Variants in ZNF724 observed in about 807,000 individuals in gnomAD.
The protein encoded by ZNF724 is zinc finger protein 724, also known as zinc finger protein 724 pseudogene.
In ZNF724, 14 loss-of-function variants were observed where a neutral mutation model predicts 29.3. The observed-to-expected ratio is 0.48, with a 90% CI of 0.32 to 0.75. The LOEUF is 0.75. ZNF724 is among the 30% of genes least tolerant of loss of function. The pLI, the probability that ZNF724 is intolerant of heterozygous loss-of-function variation, is 0.04. For missense variants in ZNF724, 557 were observed against 571.2 expected (o/e 0.98, Z 0.25); for synonymous variants, 180 against 193.6 (o/e 0.93, Z 0.58).
At chr19:23,226,548 A>C (rs1314830458) in intron 3 of ZNF724, among the ~76,000 whole-genome samples, 2 of 152,208 alleles carry the variant, frequency 1.3e-5, no homozygotes, top group Non-Finnish European at 2.9e-5. Flanking sequence ...TAGAAGAAGA[A>C]CCGAAAAAAG....
At chr19:23,229,578 A>G (rs187992200) in intron 3 of ZNF724, among the ~76,000 whole-genome samples, 1 of 152,338 alleles carries the variant, frequency 6.6e-6, no homozygotes, top group Admixed American at 6.5e-5. Context: ...TACAGATCAA[A>G]GTCCTGAAGG....
intron 1 of ZNF724, among the ~76,000 whole-genome samples, chr19:23,238,785 G>C (rs1309620859): frequency 6.6e-6 from 1 of 152,136 alleles, no homozygotes; most frequent in Non-Finnish European, 1.5e-5. Flanking sequence ...GCATGCACCT[G>C]TAATCCCACT....
Position 23,223,112 on chromosome 19 carries a change from G to A in ZNF724, c.1133C>T (p.Ser378Phe). The A allele has an allele frequency of 8.0e-7, 1 of 1,251,150 alleles. No homozygotes were observed. Among genetic ancestry groups the A allele is most frequent in the Non-Finnish European group, 1.2e-6 (1 of 850,542 alleles). The allele number at this position is 1,251,150 out of a possible 1,614,324, so 77.5% of individuals were successfully genotyped here. The change falls in exon 4 of 4, where the codon TCC (serine) becomes TTC (phenylalanine). Residue 378 changes from serine to phenylalanine, a missense_variant. Physicochemically the swap from Ser to Phe is radical, Grantham distance 155 (BLOSUM62 -2). This residue lies in a region of ZNF724 where 362 missense variants were observed against 295.5 expected (regional missense o/e 1.22). Transcript: ENST00000418100. ...TCTCTTATGTTGAGTAAGAGTTGAG[G>A]ACACGTTAAAGGCTTTGCCACACTC... ...CEECGKAFNV[S>F]STLTQHKRIH...
intron 3 of ZNF724, among the ~76,000 whole-genome samples, chr19:23,224,610 T>C (rs368903611): frequency 5.9e-5 from 9 of 152,226 alleles, no homozygotes; most frequent in African/African-American, 2.2e-4. Flanking sequence ...AAGTCTGTTA[T>C]ATTTACCTAA....
intron 3 of ZNF724, among the ~76,000 whole-genome samples, chr19:23,228,171 C>T (rs749149683): frequency 4.6e-5 from 7 of 152,114 alleles, no homozygotes; most frequent in African/African-American, 1.4e-4. Flanking sequence ...CTTTAAAGGC[C>T]GAGTGTGGTG....
In ZNF724 at chr19:23,223,469, C is replaced by T. The variant is rs1303023718; in HGVS notation, c.776G>A (p.Cys259Tyr). The T allele has an allele frequency of 2.6e-6, 2 of 759,780 alleles. No homozygotes were observed. The highest frequency in any genetic ancestry group is 1.7e-5 in the African/African-American group (1 of 58,544). The allele number at this position is 759,780 out of a possible 1,614,324, so 47.1% of individuals were successfully genotyped here. A position where few individuals can be genotyped will look rare whatever the true frequency, so the allele number is the denominator to read the frequency against. The change falls in exon 4 of 4, where the codon TGT becomes TAT. Residue 259 changes from cysteine to tyrosine, a missense_variant. By Grantham distance (194) the Cys-to-Tyr change is radical (BLOSUM62 -2). Around this residue, in one of 3 missense-constraint regions of ZNF724, gnomAD observed 362 missense variants for 295.5 expected, o/e 1.22. Transcript: ENST00000418100. ...TGAGGATATGTTAAAAGCTTTTCCA[C>T]ATTCTTCACGTTTGTAGGATTTCTC... ...TGEKSYKREECGKAFNISSHL... is the reference protein window; with the variant it reads ...TGEKSYKREEYGKAFNISSHL...
intron 3 of ZNF724, among the ~76,000 whole-genome samples, chr19:23,228,303 A>T (rs184190785): frequency 9.7e-4 from 147 of 151,680 alleles, no homozygotes; most frequent in African/African-American, 3.5e-3. Context: ...TACAAAAATT[A>T]GCCAGGCGTG....
intron 1 of ZNF724, among the ~76,000 whole-genome samples, chr19:23,234,509 T>C (rs1337097251): frequency 6.6e-6 from 1 of 152,056 alleles, no homozygotes; most frequent in East Asian, 1.9e-4. Context: ...TGGAGTGCAA[T>C]GGCACAATCT....
chr19:23,228,897 CAA>C (rs60328213), intron 3 of ZNF724, among the ~76,000 whole-genome samples: 24 of 114,564 alleles, frequency 2.1e-4, no homozygotes, highest in Non-Finnish European at 2.6e-4. Context: ...GCCCCACTTC[CAA>C]AAAAAAAAAA....
At chr19:23,224,166 C>T (rs532973095) in intron 3 of ZNF724, 148 bp from the exon 4 acceptor site, 6 of 501,972 alleles carry the variant, frequency 1.2e-5, no homozygotes, top group Admixed American at 3.7e-5. Context: ...ACTCCCAGCA[C>T]GTTGAAAGGC....
chr19:23,249,978 C>G (rs1678257753), intron 1 of ZNF724, among the ~76,000 whole-genome samples: 1 of 152,222 alleles, frequency 6.6e-6, no homozygotes, highest in African/African-American at 2.4e-5. Context: ...AGACGCTGCG[C>G]TGCGGGAGCA....
At chr19:23,248,071 A>AC (rs1972273878) in intron 1 of ZNF724, among the ~76,000 whole-genome samples, 1 of 152,116 alleles carries the variant, frequency 6.6e-6, no homozygotes, top group Non-Finnish European at 1.5e-5. Context: ...AAAAACACTG[A>AC]CCCCCAAAGC....
Position 23,223,314 on chromosome 19 carries a change from T to C in ZNF724, c.931A>G (p.Ile311Val), listed in dbSNP as rs771053653. ...AAAGCTCTGCCACAATGTTCACATA[T>C]GTAGGGCTTCTCTCCAGCATGAATT... ...KIIHAGEKPY[I>V]CEHCGRAFNQ... The change falls in exon 4 of 4, where the codon ATA becomes GTA. Residue 311 changes from isoleucine (I) to valine (V), a missense_variant. Transcript: ENST00000418100. The C allele has an allele frequency of 6.5e-6, 5 of 771,894 alleles. No individual in the cohort carries two copies. Among genetic ancestry groups the C allele is most frequent in the African/African-American group, 3.4e-5 (2 of 58,764 alleles). The allele number at this position is 771,894 out of a possible 1,614,324, so 47.8% of individuals were successfully genotyped here. A position where few individuals can be genotyped will look rare whatever the true frequency, so the allele number is the denominator to read the frequency against.
chr19:23,243,039 CAAA>C (rs762188669), intron 1 of ZNF724, among the ~76,000 whole-genome samples: 3,097 of 112,090 alleles, frequency 0.028, 81 homozygotes, highest in African/African-American at 0.11. Flanking sequence ...AACTCCATCT[CAAA>C]AAAAAAAAAA....
At chr19:23,233,641 T>C (rs1016968189) in intron 1 of ZNF724, among the ~76,000 whole-genome samples, 5 of 152,032 alleles carry the variant, frequency 3.3e-5, no homozygotes, top group Non-Finnish European at 5.9e-5. Flanking sequence ...GAAAGAAATA[T>C]TTTTCTTGAT....
chr19:23,250,223 G>T lies in ZNF724; in HGVS notation c.3+17C>A. ...GCCCCTCCCTCTCTCTCCGGATGTC[G>T]GAGCCGCCACTCTCACCATTTCTAG... On this transcript the variant is annotated intron_variant, in intron 1 of 3. Transcript: ENST00000418100. 1 of 652,880 alleles carries T rather than the reference G, an allele frequency of 1.5e-6. No individual in the cohort carries two copies. The highest frequency in any genetic ancestry group is 4.8e-5 in the East Asian group (1 of 20,738). The allele number at this position is 652,880 out of a possible 1,614,324, so 40.4% of individuals were successfully genotyped here.
rs552301610 is a variant in ZNF724, at chr19:23,228,042, A to G, written c.226+3224T>C. Among the ~76,000 whole-genome samples the G allele has an allele frequency of 2.0e-5, 3 of 152,304 alleles. No homozygotes were observed. In the East Asian group the frequency reaches 5.8e-4, roughly 29 times the overall value. On this transcript the variant is annotated intron_variant, in intron 3 of 3. Coordinates refer to ENST00000418100, the MANE Select transcript of ZNF724 (RefSeq NM_001355404.2). ...GAGAGAGCCAAGCATCATGTCTCAC[A>G]CCTGTAATGACAGCTATATGGTACA...
At chr19:23,234,291 G>A (rs766164606) in intron 1 of ZNF724, among the ~76,000 whole-genome samples, 26 of 152,176 alleles carry the variant, frequency 1.7e-4, no homozygotes, top group Non-Finnish European at 3.2e-4. Flanking sequence ...AACAGAACCT[G>A]TGAAGAAGGC....
At chr19:23,241,597 A>G (rs1180302008) in intron 1 of ZNF724, among the ~76,000 whole-genome samples, 1 of 152,218 alleles carries the variant, frequency 6.6e-6, no homozygotes, top group Non-Finnish European at 1.5e-5. Context: ...CAACATACAA[A>G]AATATCAATA....
Sources: gnomAD v4.1 joint callset for allele counts (sites outside exome capture counted in the v4.1 genomes callset) on GRCh38, gnomAD v4.1.1 for gene constraint, gnomAD v4.1.1 regional missense constraint, MANE v1.5 for transcripts, NCBI Gene and HGNC (gene_info 2026-07-23, HGNC 2026-07-21) for gene names.